Variants in ASGR2 observed in about 807,000 individuals in gnomAD.
ASGR2 encodes C-type lectin domain family 4 member H2.
ASGR2 carries 34 observed loss-of-function variants against 32.3 expected under a neutral mutation model. The observed-to-expected ratio is 1.05, with a 90% CI of 0.80 to 1.40. The LOEUF (loss-of-function observed/expected upper bound fraction) is 1.40. ASGR2 is among the 40% of genes most tolerant of loss of function. The pLI is 0.00. For synonymous variants in ASGR2, 143 were observed against 150.0 expected (o/e 0.95, Z 0.34); for missense variants, 385 against 386.4 (o/e 1.00, Z 0.03).
intron 7 of ASGR2, among the ~76,000 whole-genome samples, chr17:7,102,916 G>A (rs1913066595): frequency 6.6e-6 from 1 of 152,150 alleles, no homozygotes; most frequent in Admixed American, 6.5e-5. Context: ...CAGGGGCTTG[G>A]GTGAAAGTGG....
Position 7,108,043 on chromosome 17 carries a change from C to T in ASGR2, c.338-136G>A. 1.1e-6 allele frequency: 1 copy of T among 890,008 alleles called. No homozygotes were observed. The allele number at this position is 890,008 out of a possible 1,614,324, so 55.1% of individuals were successfully genotyped here. On this transcript the variant is annotated intron_variant, in intron 4 of 8. Coordinates refer to ENST00000691900, the MANE Select transcript of ASGR2 (RefSeq NM_001201352.2). This position sits in a 1 kb window ranked among gnomAD's most constrained non-coding sequence, Gnocchi z 4.9. Reference sequence around the variant, plus strand: ...GCTTCCTGGACCACACCCAGGCTCCCTGCACTGCCACAGTGGCTCAGGCCA... The same window carrying T: ...GCTTCCTGGACCACACCCAGGCTCCTTGCACTGCCACAGTGGCTCAGGCCA...
chr17:7,106,903 CAAAAA>C, intron 7 of ASGR2, 92 bp downstream of exon 7: 7 of 1,308,914 alleles, frequency 5.3e-6, no homozygotes, highest in Admixed American at 2.8e-5. Flanking sequence ...GACTCCATCT[CAAAAA>C]AAAAAAAAAA....
chr17:7,108,885 G>A lies in ASGR2; in HGVS notation c.128C>T (p.Pro43Leu), dbSNP rs753814850. ...PRRGNPFLKG[P>L]PPAQPLAQRL... ...CTGTGCCAGGGGCTGGGCAGGAGGTGGCCCTGTGGGAGAGGGGCATCAGGA... is the reference window on the plus strand; with the variant it reads ...CTGTGCCAGGGGCTGGGCAGGAGGTAGCCCTGTGGGAGAGGGGCATCAGGA... The change falls in exon 3 of 9, where the codon CCA becomes CTA. Residue 43 changes from proline to leucine, a missense_variant. By Grantham distance (98) the Pro-to-Leu change is moderately conservative (BLOSUM62 -3). Transcript: ENST00000691900. The surrounding 1 kb of genome is among the most constrained non-coding windows in gnomAD (Gnocchi z 4.9). 7.6e-6 allele frequency: 12 copies of A among 1,574,996 alleles called. No individual in the cohort carries two copies. Among genetic ancestry groups the A allele is most frequent in the Middle Eastern group, 1.7e-4 (1 of 5,994 alleles).
In ASGR2 at chr17:7,101,539, G is replaced by A. The variant is rs756339001; in HGVS notation, c.*36C>T. 2.5e-6 allele frequency: 4 copies of A among 1,602,230 alleles called. No individual in the cohort carries two copies. The highest frequency in any genetic ancestry group is 2.7e-5 in the African/African-American group (2 of 74,780). On this transcript the variant is annotated 3_prime_UTR_variant, in exon 9 of 9. Coordinates refer to ENST00000691900, the MANE Select transcript of ASGR2 (RefSeq NM_001201352.2). ...TCAACAGAGAAGCCAGAGCTGGGCA[G>A]GTGTGGGGTATGGGTTAGCCAGAGG...
chr17:7,101,796 C>T, intron 8 of ASGR2, 56 bp from the exon 9 acceptor site: 1 of 1,577,720 alleles, frequency 6.3e-7, no homozygotes, highest in Admixed American at 1.7e-5. Flanking sequence ...AGCGACTTAC[C>T]CATCCTCCTC....
At chr17:7,109,830 ACAC>A (rs909596585) in intron 2 of ASGR2, among the ~76,000 whole-genome samples, 2 of 151,756 alleles carry the variant, frequency 1.3e-5, no homozygotes, top group African/African-American at 4.8e-5. Context: ...TCCCACACAC[ACAC>A]ACCTGACACA....
Position 7,108,999 on chromosome 17 carries a change from G to GCGC in ASGR2, c.125-112_125-111insGCG. ...AACCTGGGCGGGGGGATTGGTTGGGGCCATGGGGGGGGGTCATCATAGGCT... is the reference window on the plus strand; with the variant it reads ...AACCTGGGCGGGGGGATTGGTTGGGGCGCCCATGGGGGGGGGTCATCATAGGCT... On this transcript the variant is annotated intron_variant, in intron 2 of 8. Coordinates refer to ENST00000691900, the MANE Select transcript of ASGR2 (RefSeq NM_001201352.2). This position sits in a 1 kb window ranked among gnomAD's most constrained non-coding sequence, Gnocchi z 4.9. 1 of 492,710 alleles carries GCGC rather than the reference G, an allele frequency of 2.0e-6. No individual in the cohort carries two copies. Among genetic ancestry groups the GCGC allele is most frequent in the Non-Finnish European group, 3.6e-6 (1 of 281,412 alleles). The allele number at this position is 492,710 out of a possible 1,614,324, so 30.5% of individuals were successfully genotyped here.
chr17:7,103,785 TTTA>T (rs1567758087), intron 7 of ASGR2, among the ~76,000 whole-genome samples: 1 of 152,136 alleles, frequency 6.6e-6, no homozygotes, highest in South Asian at 2.1e-4. Flanking sequence ...CAGTTTCTTT[TTTA>T]TTATTATTAT....
chr17:7,113,800 T>TCACACA lies in ASGR2; in HGVS notation c.124+311_124+316dup, dbSNP rs35452249. On this transcript the variant is annotated intron_variant, in intron 2 of 8. Transcript: ENST00000691900. This position sits in a 1 kb window ranked among gnomAD's most constrained non-coding sequence, Gnocchi z 5.1. ...ACATATACACACACACAACATTCACTCACACACACACACAGAGTCCCAGCT... is the reference window on the plus strand; with the variant it reads ...ACATATACACACACACAACATTCACTCACACACACACACACACACAGAGTCCCAGCT... Among the ~76,000 whole-genome samples the TCACACA allele has an allele frequency of 6.1e-4, 92 of 151,484 alleles. 1 individual carries two copies. Among genetic ancestry groups the TCACACA allele is most frequent in the African/African-American group, 1.4e-3 (57 of 41,320 alleles).
rs1344497217 is a variant in ASGR2, at chr17:7,106,518, G to A, written c.648+482C>T. Among the ~76,000 whole-genome samples the A allele has an allele frequency of 2.0e-5, 3 of 152,342 alleles. 1 individual carries two copies. The highest frequency in any genetic ancestry group is 6.8e-3 in the Middle Eastern group (2 of 294). On this transcript the variant is annotated intron_variant, in intron 7 of 8. Transcript: ENST00000691900. Reference sequence around the variant, plus strand: ...CAAAATATGTTCGTACTCACAGTATGCTGTAAAGTACTAACAGAGCCTGAT... The same window carrying A: ...CAAAATATGTTCGTACTCACAGTATACTGTAAAGTACTAACAGAGCCTGAT...
intron 2 of ASGR2, among the ~76,000 whole-genome samples, chr17:7,110,741 TC>T (rs1914521076): frequency 6.6e-6 from 1 of 152,222 alleles, no homozygotes; most frequent in Admixed American, 6.5e-5. Context: ...TGGGAAGAGT[TC>T]TTCTCTCCCC....
intron 7 of ASGR2, among the ~76,000 whole-genome samples, chr17:7,105,815 G>A (rs12952935): frequency 0.27 from 39,766 of 149,096 alleles, 6,251 homozygotes; most frequent in Admixed American, 0.42. Context: ...TTGAGTCAGA[G>A]TCTCGCACTG....
intron 2 of ASGR2, among the ~76,000 whole-genome samples, chr17:7,109,554 G>T (rs1010323413): frequency 6.6e-6 from 1 of 151,646 alleles, no homozygotes; most frequent in Non-Finnish European, 1.5e-5. Flanking sequence ...CTTTGCCCTC[G>T]CTTCCCTAGA....
intron 2 of ASGR2, among the ~76,000 whole-genome samples, chr17:7,111,169 A>G (rs1914567691): frequency 6.6e-6 from 1 of 152,238 alleles, no homozygotes; most frequent in South Asian, 2.1e-4. Flanking sequence ...GGAAAACACA[A>G]TGCATAACGA....
chr17:7,111,794 C>T (rs1254494978), intron 2 of ASGR2, among the ~76,000 whole-genome samples: 3 of 150,798 alleles, frequency 2.0e-5, no homozygotes, highest in Non-Finnish European at 4.4e-5. Flanking sequence ...GAGGTCGACA[C>T]GGGGGGAATC....
rs1194714506 is a variant in ASGR2, at chr17:7,107,254, T to A, written c.473A>T (p.Gln158Leu). 6.2e-7 allele frequency: 1 copy of A among 1,614,150 alleles called. No homozygotes were observed. The highest frequency in any genetic ancestry group is 1.1e-5 in the South Asian group (1 of 91,090). ...FPVDLRFVAC[Q>L]MELLHSNGSQ... is the part of the protein sequence containing the mutation. ...ACCGTTGCTGTGGAGGAGCTCCATC[T>A]GGCAGGCCACGAAGCGCAGGTCCAC... The change falls in exon 6 of 9, where the codon CAG (glutamine) becomes CTG (leucine). Residue 158 changes from glutamine (Q) to leucine (L), a missense_variant. Transcript: ENST00000691900. The surrounding 1 kb of genome is among the most constrained non-coding windows in gnomAD (Gnocchi z 5.0).
Position 7,107,384 on chromosome 17 carries a change from G to A in ASGR2, c.410-67C>T, listed in dbSNP as rs1173948325. On this transcript the variant is annotated intron_variant, in intron 5 of 8. Coordinates refer to ENST00000691900, the MANE Select transcript of ASGR2 (RefSeq NM_001201352.2). The surrounding 1 kb of genome is among the most constrained non-coding windows in gnomAD (Gnocchi z 5.0). ...CCCACCTGCTAGGCTCCAGCCTGTG[G>A]CTGGGGAAGCATATACACCCACAGA... The A allele has an allele frequency of 6.5e-7, 1 of 1,537,672 alleles. No homozygotes were observed. Among genetic ancestry groups the A allele is most frequent in the African/African-American group, 1.4e-5 (1 of 72,826 alleles).
At chr17:7,103,612 C>T (rs73242186) in intron 7 of ASGR2, among the ~76,000 whole-genome samples, 1,614 of 152,186 alleles carry the variant, frequency 0.011, 37 homozygotes, top group African/African-American at 0.037. Flanking sequence ...AAGCACTGTG[C>T]CCATTCACAA....
Position 7,107,090 on chromosome 17 carries a change from G to C in ASGR2, c.558C>G (p.Phe186Leu). 6.2e-7 allele frequency: 1 copy of C among 1,614,134 alleles called. No homozygotes were observed. ...WVEHQGSCYW[F>L]SHSGKAWAEA... ...CAGCCCAGGCCTTCCCGGAGTGAGA[G>C]AACCAGTAGCAGCTGCCTTGGTGCT... is the stretch of plus-strand genomic sequence containing the variant. Residue 186 changes from phenylalanine to leucine, a missense_variant, in exon 7 of 9, where the codon TTC becomes TTG. Phe to Leu is a conservative substitution (Grantham distance 22). Coordinates refer to ENST00000691900, the MANE Select transcript of ASGR2 (RefSeq NM_001201352.2). The surrounding 1 kb of genome is among the most constrained non-coding windows in gnomAD (Gnocchi z 5.0).
Sources: gnomAD v4.1 joint callset for allele counts (sites outside exome capture counted in the v4.1 genomes callset) on GRCh38, gnomAD v4.1.1 for gene constraint, Gnocchi (gnomAD v3.1) non-coding constraint, MANE v1.5 for transcripts, NCBI Gene and HGNC (gene_info 2026-07-23, HGNC 2026-07-21) for gene names.